The following LEKR1 variants were observed in gnomAD, a reference collection of about 807,000 sequenced individuals.
LEKR1 encodes the protein protein LEKR1.
LEKR1 carries 59 observed loss-of-function variants against 72.4 expected under a neutral mutation model. The observed-to-expected ratio is 0.82, with a 90% confidence interval of 0.66 to 1.01. The LOEUF (loss-of-function observed/expected upper bound fraction) is 1.01. Among genes scored for constraint, LEKR1 ranks in the 50% least tolerant of loss-of-function variants. The pLI, the probability that LEKR1 is intolerant of heterozygous loss-of-function variation, is 0.00. For synonymous variants in LEKR1, 257 were observed against 263.2 expected (o/e 0.98, Z 0.23); for missense variants, 728 against 759.2 (o/e 0.96, Z 0.48).
intron 9 of LEKR1, among the ~76,000 whole-genome samples, chr3:157,003,426 C>T (rs1256564925): frequency 1.3e-5 from 2 of 152,150 alleles, no homozygotes; most frequent in African/African-American, 4.8e-5. Context: ...TATTGTCTTA[C>T]AGTTCTGGAG....
chr3:157,010,743 C>G (rs752227363), intron 9 of LEKR1, among the ~76,000 whole-genome samples: 2 of 152,044 alleles, frequency 1.3e-5, no homozygotes, highest in African/African-American at 4.8e-5. Context: ...GAAATTCTCT[C>G]TTTAATTTCC....
chr3:156,876,863 A>G (rs1050907933), intron 3 of LEKR1, among the ~76,000 whole-genome samples: 4 of 152,178 alleles, frequency 2.6e-5, no homozygotes, highest in African/African-American at 7.2e-5. Flanking sequence ...ACTATGTTGA[A>G]TAGAAGTGAT....
chr3:156,842,018 G>T (rs895170487), intron 2 of LEKR1, among the ~76,000 whole-genome samples: 3 of 152,134 alleles, frequency 2.0e-5, no homozygotes, highest in Non-Finnish European at 4.4e-5. Flanking sequence ...ACATGCAAGG[G>T]TTCTAGGTTG....
intron 6 of LEKR1, among the ~76,000 whole-genome samples, chr3:156,961,067 A>G (rs1376844809): frequency 6.6e-6 from 1 of 152,210 alleles, no homozygotes; most frequent in African/African-American, 2.4e-5. Context: ...ACAGAGTTCA[A>G]ATAAGTCACT....
chr3:156,863,477 G>T (rs1217735057), intron 3 of LEKR1, among the ~76,000 whole-genome samples: 1 of 152,014 alleles, frequency 6.6e-6, no homozygotes, highest in Non-Finnish European at 1.5e-5. Flanking sequence ...TTAAGAACAG[G>T]TTAATTTTTA....
chr3:156,833,151 CAAAT>C (rs1257580933), intron 2 of LEKR1, among the ~76,000 whole-genome samples: 4 of 152,182 alleles, frequency 2.6e-5, no homozygotes, highest in African/African-American at 4.8e-5. Context: ...ACATTTCAAA[CAAAT>C]AGTCATAGAA....
At chr3:156,956,762 G>A (rs1384813560) in intron 6 of LEKR1, among the ~76,000 whole-genome samples, 2 of 151,854 alleles carry the variant, frequency 1.3e-5, no homozygotes, top group South Asian at 4.1e-4. Flanking sequence ...TGACAAAAAA[G>A]TATTTGTTTC....
At chr3:156,955,888 C>A (rs990257120) in intron 6 of LEKR1, among the ~76,000 whole-genome samples, 2 of 148,090 alleles carry the variant, frequency 1.4e-5, no homozygotes, top group Non-Finnish European at 3.0e-5. Flanking sequence ...TATGGCCAGA[C>A]AAGTTCAGCA....
intron 12 of LEKR1, among the ~76,000 whole-genome samples, chr3:157,033,835 C>G (rs1734787654): frequency 6.6e-6 from 1 of 152,158 alleles, no homozygotes; most frequent in Admixed American, 6.5e-5. Context: ...CTTCAAAGGA[C>G]AGTCTAATTC....
chr3:156,882,754 A>C (rs62275241), intron 3 of LEKR1, among the ~76,000 whole-genome samples: 4,837 of 152,314 alleles, frequency 0.032, 115 homozygotes, highest in Non-Finnish European at 0.047. Context: ...AACCAAGCCA[A>C]ATGTCCAACA....
At chr3:156,916,261 A>G (rs1414602042) in intron 3 of LEKR1, among the ~76,000 whole-genome samples, 1 of 151,602 alleles carries the variant, frequency 6.6e-6, no homozygotes, top group East Asian at 1.9e-4. Context: ...TTTTTGTTCC[A>G]TATGTATTTT....
At chr3:156,865,502 C>G (rs577270881) in intron 3 of LEKR1, among the ~76,000 whole-genome samples, 1 of 152,060 alleles carries the variant, frequency 6.6e-6, no homozygotes, top group South Asian at 2.1e-4. Flanking sequence ...TCACCTTCCT[C>G]TTAAATATTT....
intron 9 of LEKR1, among the ~76,000 whole-genome samples, chr3:156,995,982 G>T (rs1255861762): frequency 1.3e-5 from 2 of 152,176 alleles, no homozygotes; most frequent in Middle Eastern, 3.4e-3. Context: ...ACTGCCCAGA[G>T]CCTGCCACAC....
rs1294880125 is a variant in LEKR1, at chr3:156,959,626, A to C, written c.745+16912A>C. ...TTCCCCTGAATATTGCAATCCCTTC[A>C]TTCATTTCACTTGAATTTCTATACT... On this transcript the variant is annotated intron_variant, in intron 6 of 12. Coordinates refer to ENST00000356539, the MANE Select transcript of LEKR1 (RefSeq NM_001004316.3). 2.0e-5 allele frequency among the ~76,000 whole-genome samples: 3 copies of C among 152,032 alleles called. No individual in the cohort carries two copies. In the South Asian group the frequency reaches 6.2e-4, roughly 32 times the overall value.
At chr3:156,948,377 T>C (rs369031035) in intron 6 of LEKR1, among the ~76,000 whole-genome samples, 15 of 151,192 alleles carry the variant, frequency 9.9e-5, no homozygotes, top group African/African-American at 3.1e-4. Context: ...AAAATTCTCA[T>C]ATTAATTCTA....
chr3:156,965,357 A>G (rs1728476146), intron 6 of LEKR1, among the ~76,000 whole-genome samples: 2 of 152,174 alleles, frequency 1.3e-5, no homozygotes, highest in South Asian at 4.1e-4. Context: ...TAAAAAACGC[A>G]GCAGAAACAG....
intron 12 of LEKR1, among the ~76,000 whole-genome samples, chr3:157,036,567 C>T (rs940581646): frequency 5.3e-5 from 8 of 151,930 alleles, no homozygotes; most frequent in African/African-American, 1.9e-4. Flanking sequence ...TTTCAGAAAG[C>T]TGTTAGAAGA....
chr3:156,877,580 C>T (rs947726202), intron 3 of LEKR1, among the ~76,000 whole-genome samples: 4 of 151,850 alleles, frequency 2.6e-5, no homozygotes, highest in Non-Finnish European at 5.9e-5. Context: ...ATCCATTTCC[C>T]GTAGATTTTC....
chr3:156,874,065 T>C (rs1388891696), intron 3 of LEKR1, among the ~76,000 whole-genome samples: 2 of 152,132 alleles, frequency 1.3e-5, no homozygotes, highest in Middle Eastern at 3.2e-3. Context: ...GAAGTGTTCA[T>C]CTGTTATTTT....
Sources: gnomAD v4.1 joint callset for allele counts (sites outside exome capture counted in the v4.1 genomes callset) on GRCh38, gnomAD v4.1.1 for gene constraint, MANE v1.5 for transcripts, NCBI Gene and HGNC (gene_info 2026-07-23, HGNC 2026-07-21) for gene names.